The following RAB39A variants were observed in gnomAD, a reference collection of about 807,000 sequenced individuals.
RAB39A encodes the protein RAB39A, member RAS oncogene family.
RAB39A carries 17 observed loss-of-function variants against 20.9 expected under a neutral mutation model. That is an observed-to-expected ratio of 0.81 (90% CI 0.56 to 1.22). RAB39A has a LOEUF of 1.22. Among genes scored for constraint, RAB39A ranks in the 50% most tolerant of loss-of-function variants. The pLI is 0.00. For synonymous variants in RAB39A, 99 were observed against 103.4 expected (o/e 0.96, Z 0.26); for missense variants, 234 against 270.5 (o/e 0.87, Z 0.95).
intron 1 of RAB39A, among the ~76,000 whole-genome samples, chr11:107,942,923 A>C (rs530021041): frequency 1.2e-3 from 177 of 152,234 alleles, no homozygotes; most frequent in African/African-American, 3.9e-3. Flanking sequence ...TATTATGTTC[A>C]CCCAAACCAC....
chr11:107,945,310 C>A (rs1289857707), intron 1 of RAB39A, among the ~76,000 whole-genome samples: 1 of 127,996 alleles, frequency 7.8e-6, no homozygotes, highest in Non-Finnish European at 1.6e-5. Context: ...AGCAAAACCC[C>A]GTCTCTACAA....
intron 1 of RAB39A, among the ~76,000 whole-genome samples, chr11:107,944,617 C>T (rs897356420): frequency 1.2e-4 from 18 of 152,124 alleles, no homozygotes; most frequent in African/African-American, 4.1e-4. Context: ...GAACTCCTGA[C>T]CTTGTGATCT....
At chr11:107,947,990 A>ACACG (rs913209602) in intron 1 of RAB39A, among the ~76,000 whole-genome samples, 1 of 151,466 alleles carries the variant, frequency 6.6e-6, no homozygotes, top group African/African-American at 2.4e-5. Flanking sequence ...GTACACACAC[A>ACACG]CACACACACA....
chr11:107,961,315 A>G (rs1265882002), intron 1 of RAB39A, among the ~76,000 whole-genome samples: 1 of 152,170 alleles, frequency 6.6e-6, no homozygotes, highest in Non-Finnish European at 1.5e-5. Context: ...CATGGTAGAA[A>G]GAGGACTAGA....
chr11:107,933,106 A>G (rs1861154146), intron 1 of RAB39A, among the ~76,000 whole-genome samples: 1 of 152,158 alleles, frequency 6.6e-6, no homozygotes, highest in Non-Finnish European at 1.5e-5. Flanking sequence ...AACTTTTCCC[A>G]TAAAAAGCGT....
chr11:107,940,271 A>T (rs951145537), intron 1 of RAB39A, among the ~76,000 whole-genome samples: 3 of 151,092 alleles, frequency 2.0e-5, no homozygotes, highest in African/African-American at 7.3e-5. Flanking sequence ...TATTATTATT[A>T]TTATTTTTTT....
At chr11:107,935,531 T>C (rs935287318) in intron 1 of RAB39A, among the ~76,000 whole-genome samples, 62 of 151,936 alleles carry the variant, frequency 4.1e-4, no homozygotes, top group African/African-American at 1.4e-3. Context: ...CCTGCCACCA[T>C]GCCCGGCTAA....
chr11:107,933,373 C>CTTT (rs1448676152), intron 1 of RAB39A, among the ~76,000 whole-genome samples: 1 of 47,140 alleles, frequency 2.1e-5, no homozygotes, highest in African/African-American at 7.3e-5. Context: ...CTTTTTTATT[C>CTTT]TTTCTTTTTT....
At chr11:107,930,666 G>T (rs945100893) in intron 1 of RAB39A, among the ~76,000 whole-genome samples, 4 of 152,030 alleles carry the variant, frequency 2.6e-5, no homozygotes, top group Non-Finnish European at 2.9e-5. Context: ...GACCAGCCTG[G>T]CCAATAAGGT....
intron 1 of RAB39A, among the ~76,000 whole-genome samples, chr11:107,960,209 CAAA>C (rs57337416): frequency 6.9e-5 from 8 of 116,384 alleles, no homozygotes; most frequent in African/African-American, 2.4e-4. Flanking sequence ...GACTCCATCT[CAAA>C]AAAAAAAAAA....
At chr11:107,949,868 C>A (rs1211725704) in intron 1 of RAB39A, among the ~76,000 whole-genome samples, 1 of 152,076 alleles carries the variant, frequency 6.6e-6, no homozygotes, top group Non-Finnish European at 1.5e-5. Flanking sequence ...TGCAGTAGTT[C>A]TTTAGAAAAG....
chr11:107,928,833 CT>C lies in RAB39A; in HGVS notation c.227+39del. The C allele has an allele frequency of 6.9e-7, 1 of 1,456,864 alleles. No homozygotes were observed. Among genetic ancestry groups the C allele is most frequent in the South Asian group, 1.3e-5 (1 of 74,802 alleles). The allele number at this position is 1,456,864 out of a possible 1,614,324, so 90.2% of individuals were successfully genotyped here. On this transcript the variant is annotated intron_variant, in intron 1 of 1. Transcript: ENST00000320578. This position sits in a 1 kb window ranked among gnomAD's most constrained non-coding sequence, Gnocchi z 4.9. ...GGGACCTTGGGCACCGCGCCGCCCC[CT>C]CAGCCCGCCCGGACGCCCCTTCCCC...
chr11:107,938,078 G>C (rs959039861), intron 1 of RAB39A, among the ~76,000 whole-genome samples: 1 of 151,934 alleles, frequency 6.6e-6, no homozygotes, highest in African/African-American at 2.4e-5. Context: ...ATAAGAATGA[G>C]ATGGCCAGGC....
Position 107,928,511 on chromosome 11 carries a change from C to T in RAB39A, c.-58C>T. 1 of 1,327,350 alleles carries T rather than the reference C, an allele frequency of 7.5e-7. No individual in the cohort carries two copies. Among genetic ancestry groups the T allele is most frequent in the Non-Finnish European group, 1.0e-6 (1 of 1,002,530 alleles). The allele number at this position is 1,327,350 out of a possible 1,614,324, so 82.2% of individuals were successfully genotyped here. On this transcript the variant is annotated 5_prime_UTR_variant, in exon 1 of 2. Coordinates refer to ENST00000320578, the MANE Select transcript of RAB39A (RefSeq NM_017516.3). This position sits in a 1 kb window ranked among gnomAD's most constrained non-coding sequence, Gnocchi z 4.9. ...CGCGAGGTGCTGAAAGGACAGTTCC[C>T]GCCGCCGAACTTAGCCCGCGGGTGG...
chr11:107,949,453 C>A (rs931955067), intron 1 of RAB39A, among the ~76,000 whole-genome samples: 15 of 151,998 alleles, frequency 9.9e-5, no homozygotes, highest in African/African-American at 3.6e-4. Flanking sequence ...TGAAATCATA[C>A]GAAACAAAGC....
intron 1 of RAB39A, 136 bp from the exon 2 acceptor site, chr11:107,961,810 A>C: frequency 1.4e-5 from 10 of 705,598 alleles, no homozygotes; most frequent in Non-Finnish European, 2.0e-5. Context: ...CACTTGAGAT[A>C]CCTCATATTT....
chr11:107,928,493 T>G lies in RAB39A; in HGVS notation c.-76T>G, dbSNP rs1292887376. 8.7e-7 allele frequency: 1 copy of G among 1,147,116 alleles called. No homozygotes were observed. 71.1% of individuals were successfully genotyped at this position (1,147,116 alleles called of 1,614,324 possible). On this transcript the variant is annotated 5_prime_UTR_variant, in exon 1 of 2. Coordinates refer to ENST00000320578, the MANE Select transcript of RAB39A (RefSeq NM_017516.3). The surrounding 1 kb of genome is among the most constrained non-coding windows in gnomAD (Gnocchi z 4.9). The stretch of plus-strand genomic sequence containing the variant: ...AGGCGGCGGGCGGGCGCCCGCGAGG[T>G]GCTGAAAGGACAGTTCCCGCCGCCG...
intron 1 of RAB39A, among the ~76,000 whole-genome samples, chr11:107,936,791 TG>T (rs1861197900): frequency 1.3e-5 from 2 of 152,104 alleles, no homozygotes; most frequent in Admixed American, 1.3e-4. Context: ...CTGTGCATGG[TG>T]GTGCACACCT....
intron 1 of RAB39A, among the ~76,000 whole-genome samples, chr11:107,954,419 T>C (rs1035722884): frequency 3.9e-5 from 6 of 152,216 alleles, no homozygotes; most frequent in African/African-American, 1.4e-4. Flanking sequence ...GACCTCTTCC[T>C]CAGACCTCCT....
Sources: allele counts gnomAD v4.1 joint callset (sites outside exome capture counted in the v4.1 genomes callset), GRCh38; gene constraint gnomAD v4.1.1; non-coding constraint Gnocchi (gnomAD v3.1); transcripts MANE v1.5; gene names NCBI Gene and HGNC (gene_info 2026-07-23, HGNC 2026-07-21).